Variants in RANBP17 observed in about 807,000 individuals in gnomAD.
RANBP17 encodes ran-binding protein 17.
A neutral mutation model predicts 141.2 loss-of-function variants in RANBP17; 158 were observed. That is an observed-to-expected ratio of 1.12 (90% CI 0.98 to 1.28). The LOEUF is 1.28. Among genes scored for constraint, RANBP17 ranks in the 50% most tolerant of loss-of-function variants. The pLI, the probability that RANBP17 is intolerant of heterozygous loss-of-function variation, is 0.00. For missense variants in RANBP17, 1,438 were observed against 1,290.7 expected, an observed-to-expected ratio of 1.11 and a Z score of -1.75; for synonymous variants, 430 against 450.0, an observed-to-expected ratio of 0.96 and a Z score of 0.56.
chr5:170,891,178 G>A (rs555209618), intron 3 of RANBP17, among the ~76,000 whole-genome samples: 56 of 152,302 alleles, frequency 3.7e-4, no homozygotes, highest in Admixed American at 3.7e-3. Context: ...AAATTTAAAA[G>A]TTTTGTCAGT....
At chr5:171,199,282 A>G (rs1220640844) in intron 18 of RANBP17, among the ~76,000 whole-genome samples, 1 of 152,040 alleles carries the variant, frequency 6.6e-6, no homozygotes, top group Non-Finnish European at 1.5e-5. Flanking sequence ...TGAGCCCTTT[A>G]GGGCCTTGGC....
At chr5:170,884,523 A>T (rs953284841) in intron 3 of RANBP17, among the ~76,000 whole-genome samples, 1 of 152,142 alleles carries the variant, frequency 6.6e-6, no homozygotes, top group Non-Finnish European at 1.5e-5. Context: ...AAAGATCTTC[A>T]TCCTCATCAT....
intron 14 of RANBP17, among the ~76,000 whole-genome samples, chr5:171,134,172 A>T (rs1247062774): frequency 6.6e-6 from 1 of 152,216 alleles, no homozygotes; most frequent in Non-Finnish European, 1.5e-5. Flanking sequence ...ATGGATATAC[A>T]TTACCCAGTG....
intron 14 of RANBP17, among the ~76,000 whole-genome samples, chr5:171,072,885 G>A (rs1426966281): frequency 2.0e-5 from 3 of 152,178 alleles, no homozygotes; most frequent in Admixed American, 1.3e-4. Flanking sequence ...ACTCAACCAT[G>A]AAGTGGAGTG....
intron 12 of RANBP17, among the ~76,000 whole-genome samples, chr5:170,929,698 G>A (rs1298360683): frequency 6.6e-6 from 1 of 152,088 alleles, no homozygotes; most frequent in Admixed American, 6.5e-5. Context: ...CCTGGTTTGG[G>A]TAACATGGTA....
At chr5:170,885,405 C>A (rs1181701511) in intron 3 of RANBP17, among the ~76,000 whole-genome samples, 1 of 152,120 alleles carries the variant, frequency 6.6e-6, no homozygotes, top group African/African-American at 2.4e-5. Flanking sequence ...TGGTGTGTGA[C>A]TCTTTTCCTG....
At chr5:171,155,092 A>ATATAT (rs1171011154) in intron 14 of RANBP17, among the ~76,000 whole-genome samples, 80 of 91,198 alleles carry the variant, frequency 8.8e-4, no homozygotes, top group Middle Eastern at 0.011. Flanking sequence ...AAAAAAAAAA[A>ATATAT]AAATATATAT....
intron 14 of RANBP17, among the ~76,000 whole-genome samples, chr5:171,117,862 G>GTTA (rs1755755689): frequency 6.6e-6 from 1 of 150,662 alleles, no homozygotes; most frequent in African/African-American, 2.5e-5. Context: ...TGTTGTTGTT[G>GTTA]TTTTGCTGTT....
chr5:171,147,191 A>G (rs1333069319), intron 14 of RANBP17, among the ~76,000 whole-genome samples: 1 of 152,088 alleles, frequency 6.6e-6, no homozygotes, highest in Non-Finnish European at 1.5e-5. Flanking sequence ...CTTCAGTGTC[A>G]GTAGTATTGA....
intron 14 of RANBP17, among the ~76,000 whole-genome samples, chr5:170,996,348 A>G (rs980098969): frequency 1.3e-5 from 2 of 152,214 alleles, no homozygotes; most frequent in Admixed American, 6.5e-5. Context: ...TTTAATGGAA[A>G]TTTGACTTGG....
chr5:171,160,612 A>G (rs1759279644), intron 14 of RANBP17, among the ~76,000 whole-genome samples: 1 of 152,180 alleles, frequency 6.6e-6, no homozygotes, highest in Admixed American at 6.5e-5. Flanking sequence ...CTTGGGCTTC[A>G]GAATCTATTC....
intron 16 of RANBP17, among the ~76,000 whole-genome samples, chr5:171,173,965 A>G (rs1044872881): frequency 2.0e-5 from 3 of 152,146 alleles, no homozygotes; most frequent in Admixed American, 6.5e-5. Flanking sequence ...CACTAGACTT[A>G]CAGTTTTAGA....
At chr5:170,963,675 G>C (rs1776306179) in intron 13 of RANBP17, among the ~76,000 whole-genome samples, 1 of 152,162 alleles carries the variant, frequency 6.6e-6, no homozygotes, top group African/African-American at 2.4e-5. Context: ...TGAGAATCTA[G>C]TGCTGCAGCT....
intron 14 of RANBP17, among the ~76,000 whole-genome samples, chr5:171,032,764 A>C (rs950668519): frequency 2.0e-5 from 3 of 152,140 alleles, no homozygotes; most frequent in African/African-American, 7.2e-5. Flanking sequence ...TTGAGGCTTT[A>C]TTACCATATT....
chr5:170,955,648 G>GTATGTA (rs1775618306), intron 13 of RANBP17, among the ~76,000 whole-genome samples: 1 of 21,762 alleles, frequency 4.6e-5, no homozygotes, highest in African/African-American at 1.5e-4. Flanking sequence ...TATGCTCAGT[G>GTATGTA]TATATATATA....
intron 25 of RANBP17, among the ~76,000 whole-genome samples, chr5:171,269,093 A>T (rs964148932): frequency 1.3e-5 from 2 of 152,194 alleles, no homozygotes; most frequent in Admixed American, 6.5e-5. Context: ...AATATTAATG[A>T]CTGGGCTCTG....
chr5:171,031,708 A>G (rs1213317153), intron 14 of RANBP17, among the ~76,000 whole-genome samples: 1 of 152,072 alleles, frequency 6.6e-6, no homozygotes, highest in Non-Finnish European at 1.5e-5. Flanking sequence ...CCAAGATGCC[A>G]GAAATAACCC....
intron 14 of RANBP17, among the ~76,000 whole-genome samples, chr5:171,006,636 C>T (rs931854215): frequency 1.3e-5 from 2 of 151,692 alleles, no homozygotes; most frequent in African/African-American, 2.4e-5. Flanking sequence ...AGGAGATATA[C>T]CTAATGTTAC....
At chr5:170,995,117 A>G (rs906774220) in intron 14 of RANBP17, among the ~76,000 whole-genome samples, 13 of 152,264 alleles carry the variant, frequency 8.5e-5, no homozygotes, top group Non-Finnish European at 1.6e-4. Flanking sequence ...GTCAAACTGT[A>G]TATTGCATTA....
Sources: allele counts gnomAD v4.1 joint callset (sites outside exome capture counted in the v4.1 genomes callset), GRCh38; gene constraint gnomAD v4.1.1; transcripts MANE v1.5; gene names NCBI Gene and HGNC (gene_info 2026-07-23, HGNC 2026-07-21).